TLE1: variants seen among roughly 807,000 people sequenced by gnomAD.
TLE1 encodes the protein TLE family member 1, transcriptional corepressor.
TLE1 carries 21 observed loss-of-function variants against 89.8 expected under a neutral mutation model. That is an observed-to-expected ratio of 0.23 (90% CI 0.17 to 0.34). The LOEUF (loss-of-function observed/expected upper bound fraction) is 0.34, where lower values mean the gene tolerates loss of function less well. TLE1 is among the 10% of genes least tolerant of loss of function. The pLI is 1.00. For synonymous variants in TLE1, 447 were observed against 407.6 expected (o/e 1.10, Z -1.16); for missense variants, 795 against 1,031.2 (o/e 0.77, Z 3.14).
Position 81,590,957 on chromosome 9 carries a change from C to T in TLE1, c.1677G>A (p.Leu559=), listed in dbSNP as rs150975417. The change falls in exon 16 of 20, where the codon CTG becomes CTA. Residue 559 remains leucine, a synonymous_variant. Coordinates refer to ENST00000376499, the MANE Select transcript of TLE1 (RefSeq NM_005077.5). ...GEASTLSIWD[L]AAPTPRIKAE... The stretch of plus-strand genomic sequence containing the variant: ...CCTTGATGCGCGGGGTTGGAGCCGC[C>T]AGGTCCCAAATGGACAAAGTACTGG... 1.3e-4 allele frequency: 210 copies of T among 1,614,150 alleles called. No individual in the cohort carries two copies. Among genetic ancestry groups the T allele is most frequent in the Admixed American group, 2.2e-4 (13 of 60,016 alleles).
At chr9:81,614,900 CT>C (rs772503157) in intron 11 of TLE1, among the ~76,000 whole-genome samples, 38 of 151,070 alleles carry the variant, frequency 2.5e-4, no homozygotes, top group Non-Finnish European at 4.7e-4. Context: ...ACTTAAGAAT[CT>C]CGGAAGTTTG....
At chr9:81,666,804 TAAATA>T (rs1554696560) in intron 4 of TLE1, among the ~76,000 whole-genome samples, 5 of 145,720 alleles carry the variant, frequency 3.4e-5, no homozygotes, top group South Asian at 4.2e-4. Context: ...AATAAATAAA[TAAATA>T]AAATAAAATA....
At position 81,689,295 on chromosome 9, in the gene TLE1, C is replaced by A. The variant is rs1457114587; in HGVS notation, c.-1055G>T. 6.6e-6 allele frequency: 1 copy of A among 152,346 alleles called. No homozygotes were observed. Among genetic ancestry groups the A allele is most frequent in the Non-Finnish European group, 1.5e-5 (1 of 68,152 alleles). 9.4% of individuals were successfully genotyped at this position (152,346 alleles called of 1,614,324 possible). On this transcript the variant is annotated 5_prime_UTR_variant, in exon 1 of 20. Coordinates refer to ENST00000376499, the MANE Select transcript of TLE1 (RefSeq NM_005077.5). The stretch of plus-strand genomic sequence containing the variant: ...CGCTCCGCCAATCGGCCACCCTCCC[C>A]GGCGGGCAAACTCTGCGGGCGAGTC...
Position 81,616,515 on chromosome 9 carries a change from A to C in TLE1, c.765+131T>G, listed in dbSNP as rs565347358. 8.4e-6 allele frequency: 7 copies of C among 838,196 alleles called. No homozygotes were observed. In the South Asian group the frequency reaches 9.6e-5, roughly 12 times the overall value. 51.9% of individuals were successfully genotyped at this position (838,196 alleles called of 1,614,324 possible). A position where few individuals can be genotyped will look rare whatever the true frequency, so the allele number is the denominator to read the frequency against. On this transcript the variant is annotated intron_variant, in intron 10 of 19. Transcript: ENST00000376499. The stretch of plus-strand genomic sequence containing the variant: ...TTGCTCCATACATGAGCAACCATTA[A>C]CTTCTTAATGTAAGAAGTTGCAAGA...
intron 8 of TLE1, among the ~76,000 whole-genome samples, chr9:81,627,542 AAAG>A (rs1462339892): frequency 6.6e-6 from 1 of 152,174 alleles, no homozygotes; most frequent in Non-Finnish European, 1.5e-5. Context: ...CAACTTTCTC[AAAG>A]AAGAACCATT....
intron 14 of TLE1, among the ~76,000 whole-genome samples, chr9:81,598,300 G>A (rs1371451160): frequency 3.3e-5 from 5 of 151,890 alleles, no homozygotes; most frequent in Admixed American, 1.3e-4. Flanking sequence ...TCCAAGTTGC[G>A]CACAAACTGT....
In TLE1 at chr9:81,659,162, C is replaced by G. The variant is rs193240930; in HGVS notation, c.235-5126G>C. ...GATCCTCGTGATCCGCCCACCTCAG[C>G]CTCCCAAAGTGGTGGGATTACAGGC... is the stretch of plus-strand genomic sequence containing the variant. On this transcript the variant is annotated intron_variant, in intron 4 of 19. Coordinates refer to ENST00000376499, the MANE Select transcript of TLE1 (RefSeq NM_005077.5). Among the ~76,000 whole-genome samples the G allele has an allele frequency of 3.1e-3, 476 of 152,266 alleles. 2 individuals are homozygous for G. The highest frequency in any genetic ancestry group is 4.9e-3 in the Non-Finnish European group (330 of 68,026).
In TLE1 at chr9:81,665,027, C is replaced by T. The variant is rs183249229; in HGVS notation, c.235-10991G>A. The stretch of plus-strand genomic sequence containing the variant: ...TCTAATCTTCATGTGGACACCAGGT[C>T]CCCTGGGAGAACAGACTAAAATAAC... On this transcript the variant is annotated intron_variant, in intron 4 of 19. Coordinates refer to ENST00000376499, the MANE Select transcript of TLE1 (RefSeq NM_005077.5). 7.6e-3 allele frequency among the ~76,000 whole-genome samples: 1,164 copies of T among 152,288 alleles called. 22 individuals carry two copies. The highest frequency in any genetic ancestry group is 0.026 in the African/African-American group (1,097 of 41,554).
intron 4 of TLE1, among the ~76,000 whole-genome samples, chr9:81,681,199 G>A (rs997537256): frequency 1.3e-5 from 2 of 152,114 alleles, no homozygotes; most frequent in Admixed American, 1.3e-4. Context: ...CAGGATTGCA[G>A]AATATATCAT....
chr9:81,649,543 A>C (rs1303332602), intron 6 of TLE1, among the ~76,000 whole-genome samples: 1 of 152,248 alleles, frequency 6.6e-6, no homozygotes. Context: ...GTACTCTTTC[A>C]TGATCTTTCA....
intron 4 of TLE1, among the ~76,000 whole-genome samples, chr9:81,681,479 G>A (rs751459936): frequency 1.7e-4 from 26 of 151,938 alleles, no homozygotes; most frequent in Non-Finnish European, 3.7e-4. Flanking sequence ...GAACCTGGGA[G>A]GCGGAGGTTG....
chr9:81,687,460 G>C (rs370695976), intron 1 of TLE1, 26 bp from the exon 2 acceptor site: 141 of 1,573,328 alleles, frequency 9.0e-5, no homozygotes, highest in Non-Finnish European at 1.5e-5. Context: ...GAGGGGGACC[G>C]AGGGACGGGA....
At chr9:81,616,554 A>G in intron 10 of TLE1, 92 bp downstream of exon 10, 1 of 1,383,296 alleles carries the variant, frequency 7.2e-7, no homozygotes, top group Non-Finnish European at 1.0e-6. Flanking sequence ...CCCCCCACCG[A>G]GGGGCTCTAC....
At chr9:81,639,132 C>T (rs778524240) in intron 6 of TLE1, among the ~76,000 whole-genome samples, 1 of 151,326 alleles carries the variant, frequency 6.6e-6, no homozygotes, top group Non-Finnish European at 1.5e-5. Flanking sequence ...CACCATGTTG[C>T]CCAGGCTGGT....
At chr9:81,597,575 C>A (rs763593631) in intron 14 of TLE1, among the ~76,000 whole-genome samples, 1 of 152,122 alleles carries the variant, frequency 6.6e-6, no homozygotes, top group Non-Finnish European at 1.5e-5. Flanking sequence ...TCCTTAGGGG[C>A]CATACAGCGA....
At chr9:81,600,803 TC>T (rs1830813425) in intron 14 of TLE1, among the ~76,000 whole-genome samples, 1 of 152,014 alleles carries the variant, frequency 6.6e-6, no homozygotes, top group Admixed American at 6.6e-5. Context: ...GTAAAGAAGG[TC>T]CCCCACCAGT....
intron 4 of TLE1, among the ~76,000 whole-genome samples, chr9:81,665,154 A>C (rs879248025): frequency 6.6e-6 from 1 of 152,138 alleles, no homozygotes; most frequent in Non-Finnish European, 1.5e-5. Context: ...CATTTTTACA[A>C]AACACTGAGG....
At chr9:81,590,250 G>A (rs1829288013) in intron 16 of TLE1, among the ~76,000 whole-genome samples, 1 of 152,248 alleles carries the variant, frequency 6.6e-6, no homozygotes. Context: ...TGCTGCTAAG[G>A]TGACAGGGCT....
At chr9:81,649,084 G>A (rs1829225491) in intron 6 of TLE1, among the ~76,000 whole-genome samples, 1 of 152,086 alleles carries the variant, frequency 6.6e-6, no homozygotes, top group African/African-American at 2.4e-5. Context: ...TATTCTGCCA[G>A]TCATCAAATT....
Sources: allele counts gnomAD v4.1 joint callset (sites outside exome capture counted in the v4.1 genomes callset), GRCh38; gene constraint gnomAD v4.1.1; transcripts MANE v1.5; gene names NCBI Gene and HGNC (gene_info 2026-07-23, HGNC 2026-07-21).